Variants in SPINK5 observed in about 807,000 individuals in gnomAD.
SPINK5 encodes the protein serine protease inhibitor Kazal-type 5.
SPINK5 carries 125 observed loss-of-function variants against 151.8 expected under a neutral mutation model. The ratio of observed to expected loss-of-function variants is 0.82; its 90% CI spans 0.71 to 0.96. The LOEUF is 0.96. SPINK5 is among the 40% of genes least tolerant of loss of function. The probability of loss-of-function intolerance (pLI) is 0.00; values close to 1 mark genes in which losing one functional copy is unlikely to be tolerated. For synonymous variants in SPINK5, 374 were observed against 395.3 expected, an observed-to-expected ratio of 0.95 and a Z score of 0.64; for missense variants, 1,194 against 1,291.9, an observed-to-expected ratio of 0.92 and a Z score of 1.16.
chr5:148,075,220 G>A (rs545895768), intron 4 of SPINK5, among the ~76,000 whole-genome samples: 3 of 151,424 alleles, frequency 2.0e-5, no homozygotes, highest in South Asian at 2.1e-4. Context: ...TTATCATAGC[G>A]GTTTTTACCT....
chr5:148,088,673 C>T (rs1042606502), intron 6 of SPINK5, 68 bp downstream of exon 6: 36 of 1,450,322 alleles, frequency 2.5e-5, no homozygotes, highest in Non-Finnish European at 3.5e-5. Flanking sequence ...TAGGTGCTCT[C>T]CTCTTCCTTC....
chr5:148,095,960 G>A (rs1753447630), intron 10 of SPINK5, 55 bp downstream of exon 10: 21 of 1,353,534 alleles, frequency 1.6e-5, no homozygotes, highest in Middle Eastern at 1.9e-4. Context: ...GGGGGGGTGC[G>A]TGTGTGAGAG....
intron 4 of SPINK5, among the ~76,000 whole-genome samples, chr5:148,077,549 A>G (rs1280743566): frequency 6.6e-6 from 1 of 150,430 alleles, no homozygotes; most frequent in Non-Finnish European, 1.5e-5. Context: ...AAAGCACCAG[A>G]AATAGTGAAA....
At chr5:148,093,688 T>TC (rs560939262) in intron 8 of SPINK5, among the ~76,000 whole-genome samples, 1 of 151,734 alleles carries the variant, frequency 6.6e-6, no homozygotes, top group South Asian at 2.1e-4. Flanking sequence ...GGCTGCTGCA[T>TC]TTTGTTGTGT....
At chr5:148,133,210 G>A (rs986397593) in intron 31 of SPINK5, among the ~76,000 whole-genome samples, 4 of 152,124 alleles carry the variant, frequency 2.6e-5, no homozygotes, top group Non-Finnish European at 5.9e-5. Context: ...TCATTTCTAA[G>A]GTTTTAGAGA....
At chr5:148,100,683 GAATT>G in intron 13 of SPINK5, 102 bp downstream of exon 13, 3 of 1,327,220 alleles carry the variant, frequency 2.3e-6, no homozygotes, top group Non-Finnish European at 3.2e-6. Flanking sequence ...AAAAATGAAA[GAATT>G]AAGGCATATT....
At chr5:148,099,407 C>T in intron 12 of SPINK5, 92 bp downstream of exon 12, 1 of 1,050,590 alleles carries the variant, frequency 9.5e-7, no homozygotes, top group Non-Finnish European at 1.4e-6. Flanking sequence ...CTGCAGAAAT[C>T]CCCAGAATAT....
intron 4 of SPINK5, among the ~76,000 whole-genome samples, chr5:148,079,419 AT>A (rs1222182292): frequency 6.6e-6 from 1 of 151,226 alleles, no homozygotes; most frequent in Non-Finnish European, 1.5e-5. Context: ...TCAGTCCAGC[AT>A]TATTCTGATA....
chr5:148,123,989 G>T, intron 27 of SPINK5, 29 bp downstream of exon 27: 4 of 1,612,784 alleles, frequency 2.5e-6, no homozygotes, highest in Non-Finnish European at 3.4e-6. Context: ...CAATAAATTT[G>T]ATAGTTGTGC....
intron 30 of SPINK5, 91 bp from the exon 31 acceptor site, chr5:148,131,168 A>G (rs1393425408): frequency 6.8e-7 from 1 of 1,465,122 alleles, no homozygotes; most frequent in East Asian, 2.3e-5. Flanking sequence ...CATTTATTCA[A>G]GTTGGATTAA....
At chr5:148,065,257 C>G in intron 1 of SPINK5, 90 bp from the exon 2 acceptor site, 1 of 1,369,216 alleles carries the variant, frequency 7.3e-7, no homozygotes, top group Non-Finnish European at 1.0e-6. Context: ...GTCATTAAAG[C>G]AATCAAGATG....
At chr5:148,129,081 G>A (rs941625339) in intron 30 of SPINK5, among the ~76,000 whole-genome samples, 4 of 152,222 alleles carry the variant, frequency 2.6e-5, no homozygotes, top group South Asian at 2.1e-4. Flanking sequence ...AGACCTAAGG[G>A]TATTGATTCT....
rs1053002403 is a variant in SPINK5, at chr5:148,065,265, A to G, written c.56-82A>G. The G allele has an allele frequency of 5.6e-6, 8 of 1,429,432 alleles. No individual in the cohort carries two copies. The African/African-American group carries it at 1.1e-4, about 20-fold the overall frequency. 88.5% of individuals were successfully genotyped at this position (1,429,432 alleles called of 1,614,324 possible). On this transcript the variant is annotated intron_variant, in intron 1 of 32. Transcript: ENST00000256084. ...ACATATTGTCATTAAAGCAATCAAG[A>G]TGCTGCATTAAATGGATTATTTGTT...
At chr5:148,114,844 T>A (rs1053148849) in intron 21 of SPINK5, among the ~76,000 whole-genome samples, 6 of 152,192 alleles carry the variant, frequency 3.9e-5, no homozygotes, top group African/African-American at 1.4e-4. Flanking sequence ...GTCAAAGTCC[T>A]TACCTACATT....
intron 27 of SPINK5, among the ~76,000 whole-genome samples, chr5:148,124,229 TC>T (rs774743930): frequency 2.0e-5 from 3 of 152,226 alleles, no homozygotes; most frequent in Non-Finnish European, 4.4e-5. Context: ...GTGCAGAGCC[TC>T]AGTTCCTCCT....
intron 4 of SPINK5, among the ~76,000 whole-genome samples, chr5:148,072,673 C>T (rs989159240): frequency 1.4e-4 from 21 of 151,428 alleles, no homozygotes; most frequent in East Asian, 5.9e-4. Flanking sequence ...TTTTAAAAGC[C>T]GGTCTCAGGG....
intron 31 of SPINK5, among the ~76,000 whole-genome samples, chr5:148,133,530 C>T (rs2113239729): frequency 6.6e-6 from 1 of 152,222 alleles, no homozygotes; most frequent in Admixed American, 6.5e-5. Context: ...AGATGATCTC[C>T]AAGTTTATTT....
chr5:148,089,547 A>C lies in SPINK5; in HGVS notation c.528A>C (p.Thr176=), dbSNP rs1581068178. 1 of 1,612,178 alleles carries C rather than the reference A, an allele frequency of 6.2e-7. No individual in the cohort carries two copies. The highest frequency in any genetic ancestry group is 8.5e-7 in the Non-Finnish European group (1 of 1,178,780). ...TTAGAGATGGAAGACTTGGATGCAC[A>C]AGGGAAAATGATCCTGTTCTTGGTC... ...PFVRDGRLGC[T]RENDPVLGPD... The change falls in exon 7 of 33, where the codon ACA becomes ACC. Residue 176 remains threonine, a synonymous_variant. Transcript: ENST00000256084.
intron 32 of SPINK5, among the ~76,000 whole-genome samples, chr5:148,135,008 T>C (rs1233130870): frequency 1.3e-5 from 2 of 152,044 alleles, no homozygotes; most frequent in Non-Finnish European, 2.9e-5. Context: ...CTTCCTAGTT[T>C]CACATTAGCA....
Sources: allele counts gnomAD v4.1 joint callset (sites outside exome capture counted in the v4.1 genomes callset), GRCh38; gene constraint gnomAD v4.1.1; transcripts MANE v1.5; gene names NCBI Gene and HGNC (gene_info 2026-07-23, HGNC 2026-07-21).